The following RFWD3 variants were observed in gnomAD, a reference collection of about 807,000 sequenced individuals.
RFWD3 encodes ring finger and WD repeat domain 3.
RFWD3 carries 65 observed loss-of-function variants against 87.7 expected under a neutral mutation model. The observed-to-expected ratio is 0.74, with a 90% CI of 0.61 to 0.91. The LOEUF is 0.91. RFWD3 is among the 40% of genes least tolerant of loss of function. The probability of loss-of-function intolerance (pLI) is 0.00; values close to 1 mark genes in which losing one functional copy is unlikely to be tolerated. For synonymous variants in RFWD3, 433 were observed against 352.8 expected (o/e 1.23, Z -2.55); for missense variants, 1,078 against 938.5 (o/e 1.15, Z -1.94).
intron 4 of RFWD3, among the ~76,000 whole-genome samples, chr16:74,645,478 T>C (rs1318025131): frequency 6.6e-6 from 1 of 152,206 alleles, no homozygotes; most frequent in Non-Finnish European, 1.5e-5. Flanking sequence ...TATTACATAC[T>C]TAGACAACAA....
Position 74,661,021 on chromosome 16 carries a change from GT to G in RFWD3, c.428del (p.Asn143ThrfsTer4). ...MLEFLRPSSS[N>X]HSVGPMRTRR... ...TTGTTCTCATTGGCCCTACACTGTG[GT>G]TTGAAGATGAAGGTCTCAGGAATTC... On this transcript the variant is annotated frameshift_variant, in exon 2 of 13. Coordinates refer to ENST00000361070, the MANE Select transcript of RFWD3 (RefSeq NM_018124.4). LOFTEE classifies it high-confidence loss of function. The G allele has an allele frequency of 1.9e-6, 3 of 1,614,198 alleles. No homozygotes were observed. The highest frequency in any genetic ancestry group is 2.5e-6 in the Non-Finnish European group (3 of 1,180,036).
Position 74,632,261 on chromosome 16 carries a change from A to G in RFWD3, c.1577+262T>C, listed in dbSNP as rs538602055. On this transcript the variant is annotated intron_variant, in intron 9 of 12. Coordinates refer to ENST00000361070, the MANE Select transcript of RFWD3 (RefSeq NM_018124.4). ...GAAAATATTAGCCAGGCATGGTTGC[A>G]GGCGCCTGTAGTCCTAGCTACTCGG... is the stretch of plus-strand genomic sequence containing the variant. 1.2e-3 allele frequency among the ~76,000 whole-genome samples: 182 copies of G among 152,146 alleles called. 2 individuals are homozygous for G. Among genetic ancestry groups the G allele is most frequent in the Non-Finnish European group, 5.3e-4 (36 of 68,000 alleles).
At chr16:74,665,564 C>T (rs1961816178) in intron 1 of RFWD3, among the ~76,000 whole-genome samples, 1 of 150,956 alleles carries the variant, frequency 6.6e-6, no homozygotes, top group African/African-American at 2.4e-5. Flanking sequence ...GGCAACAAAG[C>T]GAGACTCTAT....
chr16:74,632,476 T>TCAAC (rs746470985), intron 9 of RFWD3, 47 bp downstream of exon 9: 7 of 1,597,794 alleles, frequency 4.4e-6, no homozygotes, highest in Non-Finnish European at 6.0e-6. Context: ...TCCATGCTAC[T>TCAAC]CAACACCAAA....
At chr16:74,651,369 G>C (rs1377300515) in intron 3 of RFWD3, among the ~76,000 whole-genome samples, 1 of 152,180 alleles carries the variant, frequency 6.6e-6, no homozygotes, top group Admixed American at 6.5e-5. Flanking sequence ...TGTAATCCCA[G>C]CACTTTGGGA....
At chr16:74,645,939 G>C (rs192174357) in intron 4 of RFWD3, among the ~76,000 whole-genome samples, 1 of 150,944 alleles carries the variant, frequency 6.6e-6, no homozygotes, top group Non-Finnish European at 1.5e-5. Context: ...TAGTAGAGAC[G>C]GGGTTTCACC....
At chr16:74,651,035 GAT>G (rs1249355461) in intron 3 of RFWD3, among the ~76,000 whole-genome samples, 1 of 152,064 alleles carries the variant, frequency 6.6e-6, no homozygotes, top group African/African-American at 2.4e-5. Context: ...AACAACTTAC[GAT>G]AGTGATAAAT....
At chr16:74,650,924 ACTAT>A (rs910198125) in intron 3 of RFWD3, among the ~76,000 whole-genome samples, 9 of 152,090 alleles carry the variant, frequency 5.9e-5, no homozygotes, top group South Asian at 2.1e-4. Context: ...CACTTCATCA[ACTAT>A]CTGATTGTCC....
At chr16:74,629,162 T>C (rs1002532398) in intron 10 of RFWD3, among the ~76,000 whole-genome samples, 4 of 152,232 alleles carry the variant, frequency 2.6e-5, no homozygotes, top group African/African-American at 7.2e-5. Flanking sequence ...TGACCAGGAC[T>C]ATGCGCCAAG....
At chr16:74,649,230 G>C (rs771405692) in intron 3 of RFWD3, 28 bp from the exon 4 acceptor site, 1 of 1,513,472 alleles carries the variant, frequency 6.6e-7, no homozygotes, top group Non-Finnish European at 8.9e-7. Context: ...GAAATGACAG[G>C]AGAGGTAAAA....
At chr16:74,625,721 T>C (rs1958913487) in intron 12 of RFWD3, among the ~76,000 whole-genome samples, 1 of 152,216 alleles carries the variant, frequency 6.6e-6, no homozygotes, top group Non-Finnish European at 1.5e-5. Context: ...AGCGCTAGCT[T>C]CTAGAGTGGC....
chr16:74,647,023 C>T (rs1285374790), intron 4 of RFWD3, among the ~76,000 whole-genome samples: 2 of 151,630 alleles, frequency 1.3e-5, no homozygotes, highest in African/African-American at 2.4e-5. Context: ...GGAGGCGGAG[C>T]CTGCAGTGAG....
At chr16:74,652,429 T>C (rs1056705017) in intron 2 of RFWD3, among the ~76,000 whole-genome samples, 5 of 152,066 alleles carry the variant, frequency 3.3e-5, no homozygotes, top group Admixed American at 2.6e-4. Context: ...CAGCAATCTG[T>C]ATGCTGGTAT....
chr16:74,646,651 C>T (rs932892912), intron 4 of RFWD3, among the ~76,000 whole-genome samples: 4 of 151,598 alleles, frequency 2.6e-5, no homozygotes, highest in African/African-American at 4.8e-5. Context: ...CCAGGCATGA[C>T]GGCGTGTGCC....
chr16:74,654,681 T>C lies in RFWD3; in HGVS notation c.519-2559A>G, dbSNP rs186485884. Among the ~76,000 whole-genome samples the C allele has an allele frequency of 3.9e-5, 6 of 152,294 alleles. No individual in the cohort carries two copies. In the East Asian group the frequency reaches 5.8e-4, roughly 15 times the overall value. On this transcript the variant is annotated intron_variant, in intron 2 of 12. Coordinates refer to ENST00000361070, the MANE Select transcript of RFWD3 (RefSeq NM_018124.4). The stretch of plus-strand genomic sequence containing the variant: ...GAGGAAGGCATGTCAAAAGCTGGGA[T>C]AGGCCAGAAGCCAGGCCTTTTGCAC...
intron 10 of RFWD3, 104 bp from the exon 11 acceptor site, chr16:74,628,770 A>C: frequency 1.1e-6 from 1 of 927,428 alleles, no homozygotes; most frequent in Non-Finnish European, 1.7e-6. Flanking sequence ...AGAGGAGGTT[A>C]AACGCCTTTA....
At position 74,644,428 on chromosome 16, in the gene RFWD3, T is replaced by C; in HGVS notation, c.1013A>G (p.Asp338Gly). Residue 338 changes from aspartate to glycine, a missense_variant, in exon 6 of 13, where the codon GAC becomes GGC. Asp to Gly is a moderately conservative substitution (Grantham distance 94). Transcript: ENST00000361070. Reference protein sequence around the residue: ...PQCNKKARHSDIVVLYARTLR... With the variant: ...PQCNKKARHSGIVVLYARTLR... ...GGTTCGGGCATAAAGGACGACAATG[T>C]CACTGTGCCTGGCTTTCTTGTTGCA... is the stretch of plus-strand genomic sequence containing the variant. 6.2e-7 allele frequency: 1 copy of C among 1,614,240 alleles called. No homozygotes were observed. Among genetic ancestry groups the C allele is most frequent in the Non-Finnish European group, 8.5e-7 (1 of 1,180,048 alleles).
At chr16:74,645,305 T>TA (rs1164003420) in intron 4 of RFWD3, among the ~76,000 whole-genome samples, 1 of 152,238 alleles carries the variant, frequency 6.6e-6, no homozygotes. Context: ...TTAAAACACA[T>TA]ATATCTTTCC....
At chr16:74,654,186 G>C (rs1488344576) in intron 2 of RFWD3, among the ~76,000 whole-genome samples, 1 of 151,924 alleles carries the variant, frequency 6.6e-6, no homozygotes, top group African/African-American at 2.4e-5. Context: ...CTTCATTTTA[G>C]TATTTTGAGT....
Sources: allele counts gnomAD v4.1 joint callset (sites outside exome capture counted in the v4.1 genomes callset), GRCh38; gene constraint gnomAD v4.1.1; transcripts MANE v1.5; gene names NCBI Gene and HGNC (gene_info 2026-07-23, HGNC 2026-07-21).